Variants in EPHA3 observed in about 807,000 individuals in gnomAD.
The protein encoded by EPHA3 is ephrin type-A receptor 3.
In EPHA3, 42 loss-of-function variants were observed where a neutral mutation model predicts 107.1. That is an observed-to-expected ratio of 0.39 (90% CI 0.31 to 0.51). EPHA3 has a LOEUF of 0.51. Among genes scored for constraint, EPHA3 ranks in the 20% least tolerant of loss-of-function variants. The pLI, the probability that EPHA3 is intolerant of heterozygous loss-of-function variation, is 0.78. For missense variants in EPHA3, 1,183 were observed against 1,211.2 expected (o/e 0.98, Z 0.35); for synonymous variants, 461 against 424.8 (o/e 1.09, Z -1.05).
chr3:89,477,091 T>C (rs1710531308), intron 16 of EPHA3, among the ~76,000 whole-genome samples: 1 of 152,192 alleles, frequency 6.6e-6, no homozygotes, highest in Non-Finnish European at 1.5e-5. Flanking sequence ...TGGGGATAAG[T>C]GGAGAAATGT....
At chr3:89,395,558 A>T (rs1271440604) in intron 5 of EPHA3, among the ~76,000 whole-genome samples, 1 of 152,204 alleles carries the variant, frequency 6.6e-6, no homozygotes, top group East Asian at 1.9e-4. Context: ...GATTGAAAAC[A>T]TCTGCTCACT....
At chr3:89,359,296 T>G (rs1175213220) in intron 5 of EPHA3, among the ~76,000 whole-genome samples, 1 of 151,056 alleles carries the variant, frequency 6.6e-6, no homozygotes, top group East Asian at 1.9e-4. Context: ...AGTTTGCTAA[T>G]ATTTGTTAAG....
intron 3 of EPHA3, among the ~76,000 whole-genome samples, chr3:89,247,073 A>G (rs1000178538): frequency 6.6e-6 from 1 of 152,176 alleles, no homozygotes; most frequent in Non-Finnish European, 1.5e-5. Flanking sequence ...CTCTTTGTCC[A>G]TGTTTTTCTA....
chr3:89,258,477 T>C (rs1470916219), intron 3 of EPHA3, among the ~76,000 whole-genome samples: 1 of 152,192 alleles, frequency 6.6e-6, no homozygotes, highest in African/African-American at 2.4e-5. Context: ...TATTTAGTAG[T>C]AATTGCCATT....
At chr3:89,293,877 A>T (rs1706279229) in intron 3 of EPHA3, among the ~76,000 whole-genome samples, 1 of 152,138 alleles carries the variant, frequency 6.6e-6, no homozygotes, top group Non-Finnish European at 1.5e-5. Flanking sequence ...GCCTCAACTA[A>T]TCATCTCTGT....
At chr3:89,218,726 A>G (rs1394720989) in intron 3 of EPHA3, among the ~76,000 whole-genome samples, 1 of 152,178 alleles carries the variant, frequency 6.6e-6, no homozygotes, top group Non-Finnish European at 1.5e-5. Context: ...AAAATATGAA[A>G]AAATGCTCAT....
chr3:89,308,715 G>A (rs1706691688), intron 3 of EPHA3, among the ~76,000 whole-genome samples: 1 of 151,886 alleles, frequency 6.6e-6, no homozygotes, highest in Non-Finnish European at 1.5e-5. Context: ...GTTGGTTATA[G>A]TCAGTATAAG....
intron 5 of EPHA3, among the ~76,000 whole-genome samples, chr3:89,351,366 A>T (rs1707813930): frequency 6.6e-6 from 1 of 151,046 alleles, no homozygotes; most frequent in Admixed American, 6.6e-5. Context: ...TTCGGGTGGG[A>T]GTGACCCGAT....
At chr3:89,395,697 A>C in intron 5 of EPHA3, 140 bp from the exon 6 acceptor site, 1 of 999,566 alleles carries the variant, frequency 1.0e-6, no homozygotes, top group Non-Finnish European at 1.5e-6. Context: ...TGGAAATGGA[A>C]ATAGTGCTTT....
chr3:89,159,197 C>A (rs976341490), intron 2 of EPHA3, among the ~76,000 whole-genome samples: 11 of 152,144 alleles, frequency 7.2e-5, no homozygotes, highest in Admixed American at 2.6e-4. Flanking sequence ...TTATTTTTAG[C>A]ATCATTTCTA....
chr3:89,148,317 T>C (rs183109350), intron 2 of EPHA3, among the ~76,000 whole-genome samples: 2 of 152,058 alleles, frequency 1.3e-5, no homozygotes, highest in Admixed American at 1.3e-4. Flanking sequence ...TAAAAGATAA[T>C]GGAGAGTAGA....
At chr3:89,477,778 G>A (rs894399788) in intron 16 of EPHA3, among the ~76,000 whole-genome samples, 1 of 151,770 alleles carries the variant, frequency 6.6e-6, no homozygotes, top group Non-Finnish European at 1.5e-5. Context: ...TTTGTATTGA[G>A]CCCACTAACT....
chr3:89,405,970 A>G (rs534824498), intron 7 of EPHA3, among the ~76,000 whole-genome samples: 1 of 152,304 alleles, frequency 6.6e-6, no homozygotes, highest in South Asian at 2.1e-4. Context: ...TAAAGAGCCA[A>G]AATTTTCCTA....
intron 7 of EPHA3, among the ~76,000 whole-genome samples, chr3:89,401,164 A>T (rs1265861177): frequency 2.0e-5 from 3 of 152,182 alleles, no homozygotes; most frequent in Non-Finnish European, 2.9e-5. Flanking sequence ...CATCAAGTTT[A>T]CTCATGTTGG....
chr3:89,241,468 C>T (rs530593603), intron 3 of EPHA3, among the ~76,000 whole-genome samples: 7 of 152,088 alleles, frequency 4.6e-5, no homozygotes, highest in South Asian at 2.1e-4. Context: ...CTACTAACAA[C>T]GCCAATAATG....
intron 3 of EPHA3, among the ~76,000 whole-genome samples, chr3:89,271,304 A>G (rs17800641): frequency 0.5 from 75,620 of 151,896 alleles, 19,814 homozygotes; most frequent in African/African-American, 0.66. Context: ...TGGCAATGTA[A>G]AGTGGGGTTT....
At chr3:89,238,904 A>G (rs1287869454) in intron 3 of EPHA3, among the ~76,000 whole-genome samples, 1 of 152,222 alleles carries the variant, frequency 6.6e-6, no homozygotes, top group Non-Finnish European at 1.5e-5. Context: ...GTTATTTGGT[A>G]TCCATGAATC....
chr3:89,429,656 T>C (rs994266969), intron 12 of EPHA3, among the ~76,000 whole-genome samples: 4 of 152,174 alleles, frequency 2.6e-5, no homozygotes, highest in African/African-American at 7.2e-5. Context: ...GATATGTACA[T>C]TAATTTTTTA....
chr3:89,396,094 C>A, intron 6 of EPHA3, 133 bp downstream of exon 6: 1 of 1,205,106 alleles, frequency 8.3e-7, no homozygotes, highest in Non-Finnish European at 1.1e-6. Context: ...GCCCTGTGAC[C>A]CCTTTGATTT....
Sources: allele counts gnomAD v4.1 joint callset (sites outside exome capture counted in the v4.1 genomes callset), GRCh38; gene constraint gnomAD v4.1.1; transcripts MANE v1.5; gene names NCBI Gene and HGNC (gene_info 2026-07-23, HGNC 2026-07-21).